Variants in PRKCB observed in about 807,000 individuals in gnomAD.
The protein encoded by PRKCB is protein kinase C beta type.
In PRKCB, 13 loss-of-function variants were observed where a neutral mutation model predicts 81.5. The observed-to-expected ratio is 0.16, with a 90% CI of 0.10 to 0.25. PRKCB has a LOEUF of 0.25. Among genes scored for constraint, PRKCB ranks in the 10% least tolerant of loss-of-function variants. PRKCB has a pLI of 1.00. For synonymous variants in PRKCB, 335 were observed against 321.4 expected, an observed-to-expected ratio of 1.04 and a Z score of -0.45; for missense variants, 509 against 875.7, an observed-to-expected ratio of 0.58 and a Z score of 5.29.
chr16:24,214,560 GA>G, intron 16 of PRKCB, 97 bp from the exon 17 acceptor site: 1 of 976,812 alleles, frequency 1.0e-6, no homozygotes. Flanking sequence ...AGGGAATGGA[GA>G]AAAGCACACC....
At chr16:23,869,318 A>G in intron 2 of PRKCB, 1 of 322,462 alleles carries the variant, frequency 3.1e-6, no homozygotes, top group Admixed American at 4.0e-5. Flanking sequence ...GTAGAATCAC[A>G]GAGCCACAGA....
intron 9 of PRKCB, among the ~76,000 whole-genome samples, chr16:24,141,875 T>A (rs1966906633): frequency 6.6e-6 from 1 of 152,232 alleles, no homozygotes; most frequent in Non-Finnish European, 1.5e-5. Context: ...CATAGCGACA[T>A]TGGTCGATTG....
At chr16:23,873,355 G>A (rs556842881) in intron 2 of PRKCB, among the ~76,000 whole-genome samples, 9 of 149,634 alleles carry the variant, frequency 6.0e-5, no homozygotes, top group African/African-American at 2.2e-4. Context: ...CCTGGGCGAT[G>A]GAGTGAAACT....
intron 5 of PRKCB, 113 bp downstream of exon 5, chr16:24,035,660 G>T: frequency 1.1e-6 from 1 of 890,430 alleles, no homozygotes; most frequent in Non-Finnish European, 1.6e-6. Context: ...GCAGTCCAGG[G>T]ACGGGGAGGG....
chr16:23,875,582 A>ATG (rs1369054733), intron 2 of PRKCB, among the ~76,000 whole-genome samples: 516 of 43,542 alleles, frequency 0.012, 95 homozygotes, highest in Middle Eastern at 0.056. Flanking sequence ...TCAAACACAT[A>ATG]TGTATATCAC....
intron 2 of PRKCB, among the ~76,000 whole-genome samples, chr16:23,882,053 CCTT>C (rs1458902219): frequency 1.3e-5 from 1 of 79,210 alleles, no homozygotes; most frequent in African/African-American, 3.7e-5. Flanking sequence ...TTCCTTCCTT[CCTT>C]CTTCCTTTCC....
chr16:24,048,342 A>G (rs1965793293), intron 5 of PRKCB, among the ~76,000 whole-genome samples: 2 of 152,196 alleles, frequency 1.3e-5, no homozygotes, highest in Non-Finnish European at 2.9e-5. Context: ...ACAACTAGGA[A>G]GATGTGGAGC....
chr16:23,859,075 T>C (rs987040626), intron 2 of PRKCB, among the ~76,000 whole-genome samples: 1 of 152,106 alleles, frequency 6.6e-6, no homozygotes, highest in East Asian at 1.9e-4. Context: ...GAGGCTGTAG[T>C]GAGCTTTGAT....
At chr16:24,058,102 C>A (rs1965927510) in intron 5 of PRKCB, among the ~76,000 whole-genome samples, 1 of 152,162 alleles carries the variant, frequency 6.6e-6, no homozygotes, top group Non-Finnish European at 1.5e-5. Context: ...CCTTCTTGCA[C>A]TTGCTCTTCC....
chr16:24,126,996 CT>C (rs1436287496), intron 9 of PRKCB, among the ~76,000 whole-genome samples: 3 of 132,672 alleles, frequency 2.3e-5, no homozygotes, highest in Non-Finnish European at 4.7e-5. Context: ...TATATGCTTT[CT>C]TTTTTCCTTT....
chr16:24,032,393 T>G, intron 4 of PRKCB, 146 bp downstream of exon 4: 1 of 577,288 alleles, frequency 1.7e-6, no homozygotes, highest in South Asian at 2.3e-5. Context: ...TGCTGCATAA[T>G]GATCCTCCCA....
chr16:23,956,033 C>A (rs2141783978), intron 2 of PRKCB, among the ~76,000 whole-genome samples: 1 of 152,254 alleles, frequency 6.6e-6, no homozygotes, highest in African/African-American at 2.4e-5. Flanking sequence ...AAGCAATAAA[C>A]AATATTTAGG....
chr16:23,972,878 T>C (rs1447165092), intron 2 of PRKCB, among the ~76,000 whole-genome samples: 2 of 152,216 alleles, frequency 1.3e-5, no homozygotes, highest in East Asian at 3.8e-4. Context: ...GAGTTAACAG[T>C]CTGGGAGGGA....
intron 5 of PRKCB, among the ~76,000 whole-genome samples, chr16:24,037,130 A>G (rs949427190): frequency 5.9e-5 from 9 of 152,078 alleles, no homozygotes; most frequent in African/African-American, 2.2e-4. Flanking sequence ...CTGGGATTAC[A>G]GGCGCCCACC....
At chr16:24,124,951 A>G (rs1966840228) in intron 9 of PRKCB, among the ~76,000 whole-genome samples, 1 of 152,098 alleles carries the variant, frequency 6.6e-6, no homozygotes, top group Non-Finnish European at 1.5e-5. Context: ...CATCTCTCTA[A>G]TACCACCCAA....
At chr16:24,101,655 G>A (rs950263133) in intron 7 of PRKCB, among the ~76,000 whole-genome samples, 1 of 152,260 alleles carries the variant, frequency 6.6e-6, no homozygotes, top group Non-Finnish European at 1.5e-5. Context: ...GAGATTAGAA[G>A]CAGATGGAGT....
rs1385281505 is a variant in PRKCB, at chr16:23,981,723, C to T, written c.206-6785C>T. On this transcript the variant is annotated intron_variant, in intron 2 of 16. Coordinates refer to ENST00000643927, the MANE Select transcript of PRKCB (RefSeq NM_002738.7). Reference sequence around the variant, plus strand: ...CCCTTCCCCTTCCCTTTCCCTTCCCCTTCCCTTCCCCTTCCCTTCCCCTTC... The same window carrying T: ...CCCTTCCCCTTCCCTTTCCCTTCCCTTTCCCTTCCCCTTCCCTTCCCCTTC... Among the ~76,000 whole-genome samples, 217 of 44,012 alleles carry T rather than the reference C, an allele frequency of 4.9e-3. 2 individuals are homozygous for T. Among genetic ancestry groups the T allele is most frequent in the African/African-American group, 0.01 (87 of 8,364 alleles). The allele number at this position is 44,012 out of a possible 152,430, so 28.9% of individuals were successfully genotyped here. A position where few individuals can be genotyped will look rare whatever the true frequency, so the allele number is the denominator to read the frequency against.
intron 2 of PRKCB, among the ~76,000 whole-genome samples, chr16:23,879,414 T>C (rs4592664): frequency 0.15 from 22,554 of 150,850 alleles, 2,133 homozygotes; most frequent in East Asian, 0.23. Flanking sequence ...CTCCTTGACA[T>C]GAATCTCCTG....
intron 6 of PRKCB, among the ~76,000 whole-genome samples, chr16:24,093,865 T>C (rs1052138318): frequency 6.6e-6 from 1 of 152,232 alleles, no homozygotes; most frequent in Non-Finnish European, 1.5e-5. Flanking sequence ...GTATTTCTTA[T>C]AGGCAATAGG....
Sources: gnomAD v4.1 joint callset for allele counts (sites outside exome capture counted in the v4.1 genomes callset) on GRCh38, gnomAD v4.1.1 for gene constraint, MANE v1.5 for transcripts, NCBI Gene and HGNC (gene_info 2026-07-23, HGNC 2026-07-21) for gene names.